The following STARD13 variants were observed in gnomAD, a reference collection of about 807,000 sequenced individuals.
STARD13 encodes stAR-related lipid transfer protein 13.
A neutral mutation model predicts 106.4 loss-of-function variants in STARD13; 62 were observed. That is an observed-to-expected ratio of 0.58 (90% CI 0.48 to 0.72). The LOEUF is 0.72. STARD13 is among the 30% of genes least tolerant of loss of function. STARD13 has a pLI of 0.00. For synonymous variants in STARD13, 565 were observed against 553.0 expected, an observed-to-expected ratio of 1.02 and a Z score of -0.31; for missense variants, 1,387 against 1,424.0, an observed-to-expected ratio of 0.97 and a Z score of 0.42.
chr13:33,675,722 A>G, the STARD13 span, among the ~76,000 whole-genome samples: 1 of 152,192 alleles, frequency 6.6e-6, no homozygotes, highest in Middle Eastern at 3.2e-3. Flanking sequence ...GAGTAGGAAC[A>G]TGTGGACAAA....
rs138948077 is a variant in STARD13, at chr13:33,178,993, A to G, written c.170-11371T>C. Among the ~76,000 whole-genome samples, 306 of 152,340 alleles carry G rather than the reference A, an allele frequency of 2.0e-3. 1 individual carries two copies. The highest frequency in any genetic ancestry group is 6.9e-3 in the African/African-American group (286 of 41,580). ...CAAAAGAGCAACTCTTTAAGGCAAG[A>G]CTACTTTTGTACAGGGTTCATGTTA... On this transcript the variant is annotated intron_variant, in intron 1 of 13. Transcript: ENST00000336934.
chr13:33,219,820 AAAAAAAG>A (rs1352595622), intron 1 of STARD13, among the ~76,000 whole-genome samples: 155 of 148,166 alleles, frequency 1.0e-3, no homozygotes, highest in African/African-American at 3.5e-3. Context: ...AAACAAAAAA[AAAAAAAG>A]AAAGAAAGAA....
At chr13:33,514,177 C>T in the STARD13 span, among the ~76,000 whole-genome samples, 4 of 152,130 alleles carry the variant, frequency 2.6e-5, no homozygotes, top group African/African-American at 9.7e-5. Context: ...CCTTGACGCT[C>T]AGGCAGAAAA....
chr13:33,187,193 G>T (rs1885848647), intron 1 of STARD13, among the ~76,000 whole-genome samples: 1 of 152,198 alleles, frequency 6.6e-6, no homozygotes, highest in Non-Finnish European at 1.5e-5. Flanking sequence ...GATGTGAAGA[G>T]AATGACAGAG....
the STARD13 span, among the ~76,000 whole-genome samples, chr13:33,360,726 A>AAT: frequency 1.5e-4 from 20 of 134,682 alleles, no homozygotes; most frequent in South Asian, 2.5e-4. Flanking sequence ...AGACAGAAGG[A>AAT]CATATTGTTG....
In STARD13 at chr13:33,299,587, G is replaced by A. The variant is rs112590648; in HGVS notation, c.124+50703C>T. The stretch of plus-strand genomic sequence containing the variant: ...TTGGCCCATAATTTCTCAAACCTGG[G>A]CCTGGGAGGTCCCTTGAGGTCCTGT... On this transcript the variant is annotated intron_variant, in intron 1 of 5. Transcript: ENST00000567873. Among the ~76,000 whole-genome samples the A allele has an allele frequency of 8.3e-3, 1,264 of 152,278 alleles. 18 individuals are homozygous for A. Among genetic ancestry groups the A allele is most frequent in the African/African-American group, 0.029 (1,186 of 41,556 alleles).
intron 1 of STARD13, among the ~76,000 whole-genome samples, chr13:33,241,378 A>G (rs1270470579): frequency 2.0e-5 from 3 of 152,214 alleles, no homozygotes; most frequent in Non-Finnish European, 4.4e-5. Context: ...AATTGATATT[A>G]ATGCAGTTTT....
chr13:33,499,983 G>T, the STARD13 span, among the ~76,000 whole-genome samples: 1 of 151,518 alleles, frequency 6.6e-6, no homozygotes, highest in Non-Finnish European at 1.5e-5. Context: ...TGAACTCCTG[G>T]CCTAAAGCAA....
intron 1 of STARD13, among the ~76,000 whole-genome samples, chr13:33,320,375 C>T (rs1893511416): frequency 6.6e-6 from 1 of 152,158 alleles, no homozygotes; most frequent in South Asian, 2.1e-4. Context: ...CAAGGCATTG[C>T]AGGGTCTCTA....
At chr13:33,293,701 A>T (rs2874449) in intron 1 of STARD13, among the ~76,000 whole-genome samples, 52,438 of 152,052 alleles carry the variant, frequency 0.34, 9,528 homozygotes, top group South Asian at 0.49. Context: ...CCATCTAATC[A>T]GCTGCCAGCA....
chr13:33,272,281 C>T (rs562672845), intron 1 of STARD13, among the ~76,000 whole-genome samples: 5 of 152,174 alleles, frequency 3.3e-5, no homozygotes, highest in South Asian at 2.1e-4. Context: ...TCCCCAAATC[C>T]GAAATCCAAA....
chr13:33,146,777 G>A (rs981093260), intron 3 of STARD13, among the ~76,000 whole-genome samples: 1 of 152,190 alleles, frequency 6.6e-6, no homozygotes, highest in Non-Finnish European at 1.5e-5. Flanking sequence ...AACACTAAGT[G>A]TCTATTTAAG....
the STARD13 span, among the ~76,000 whole-genome samples, chr13:33,400,754 C>T: frequency 2.6e-5 from 4 of 152,244 alleles, no homozygotes; most frequent in Admixed American, 2.6e-4. Context: ...TGAACCACCG[C>T]ACCCAGCCCG....
intron 1 of STARD13, among the ~76,000 whole-genome samples, chr13:33,307,930 G>T (rs544734956): frequency 1.8e-4 from 27 of 152,218 alleles, no homozygotes; most frequent in African/African-American, 6.3e-4. Flanking sequence ...GAGCAATTGT[G>T]GTTTCCTTAC....
the STARD13 span, among the ~76,000 whole-genome samples, chr13:33,465,201 C>CTTTTT: frequency 4.2e-3 from 253 of 60,638 alleles, 9 homozygotes; most frequent in Middle Eastern, 0.013. Context: ...TGGTCTTCTT[C>CTTTTT]TTTTTTTTTT....
rs1438310976 is a variant in STARD13, at chr13:33,268,586, T to C, written c.169+16884A>G. On this transcript the variant is annotated intron_variant, in intron 1 of 13. Coordinates refer to ENST00000336934, the MANE Select transcript of STARD13 (RefSeq NM_178006.4). ...CATTTTAGACGAGGAAATAGGCTTA[T>C]AGAGTTCCTGGAACTTACCCAAGGT... Among the ~76,000 whole-genome samples the C allele has an allele frequency of 3.3e-5, 5 of 152,208 alleles. No homozygotes were observed. In the East Asian group the frequency reaches 5.8e-4, roughly 18 times the overall value.
chr13:33,452,533 T>A, the STARD13 span, among the ~76,000 whole-genome samples: 1 of 152,186 alleles, frequency 6.6e-6, no homozygotes, highest in African/African-American at 2.4e-5. Flanking sequence ...TATTTCTCCT[T>A]CTCTATTTTC....
At chr13:33,544,648 G>C in the STARD13 span, among the ~76,000 whole-genome samples, 2 of 151,776 alleles carry the variant, frequency 1.3e-5, no homozygotes, top group Non-Finnish European at 2.9e-5. Context: ...AAAAGATTGA[G>C]AACAACTGTC....
At chr13:33,361,211 C>T in the STARD13 span, among the ~76,000 whole-genome samples, 1 of 151,722 alleles carries the variant, frequency 6.6e-6, no homozygotes, top group South Asian at 2.1e-4. Flanking sequence ...CTCTTTTATT[C>T]TTCCTTCTCA....
Sources: allele counts gnomAD v4.1 joint callset (sites outside exome capture counted in the v4.1 genomes callset), GRCh38; gene constraint gnomAD v4.1.1; transcripts MANE v1.5; gene names NCBI Gene and HGNC (gene_info 2026-07-23, HGNC 2026-07-21).